Variants in PSMA4 observed in about 807,000 individuals in gnomAD.
The protein encoded by PSMA4 is proteasome 20S subunit alpha 4.
In PSMA4, 8 loss-of-function variants were observed where a neutral mutation model predicts 37.2. The observed-to-expected ratio is 0.22, with a 90% CI of 0.13 to 0.39. The LOEUF is 0.39. PSMA4 is among the 10% of genes least tolerant of loss of function. The pLI, the probability that PSMA4 is intolerant of heterozygous loss-of-function variation, is 1.00. For synonymous variants in PSMA4, 93 were observed against 98.8 expected, an observed-to-expected ratio of 0.94 and a Z score of 0.35; for missense variants, 169 against 305.1, an observed-to-expected ratio of 0.55 and a Z score of 3.32.
chr15:78,547,542 A>G (rs2052575142), intron 8 of PSMA4, among the ~76,000 whole-genome samples: 1 of 152,248 alleles, frequency 6.6e-6, no homozygotes, highest in Non-Finnish European at 1.5e-5. Flanking sequence ...TGACTATATA[A>G]AAGAATATTT....
In PSMA4 at chr15:78,550,536, T is replaced by TGACGGCA. The variant is rs1473965444; in HGVS notation, c.*1592_*1593insGACGGCA. 1.3e-5 allele frequency: 2 copies of TGACGGCA among 152,144 alleles called. No homozygotes were observed. The highest frequency in any genetic ancestry group is 2.9e-5 in the Non-Finnish European group (2 of 68,098). 9.4% of individuals were successfully genotyped at this position (152,144 alleles called of 1,614,324 possible). On this transcript the variant is annotated 3_prime_UTR_variant, in exon 9 of 9. Coordinates refer to ENST00000044462, the MANE Select transcript of PSMA4 (RefSeq NM_002789.6). Reference sequence around the variant, plus strand: ...GTGAGCAGGGAAGGTCTCACCATGTTTCCCATGCCGGTCTCAAGCTCCTGG... The same window carrying TGACGGCA: ...GTGAGCAGGGAAGGTCTCACCATGTTGACGGCATCCCATGCCGGTCTCAAGCTCCTGG...
At chr15:78,542,399 C>A in intron 3 of PSMA4, 84 bp from the exon 4 acceptor site, 1 of 1,499,384 alleles carries the variant, frequency 6.7e-7, no homozygotes, top group Non-Finnish European at 9.0e-7. Context: ...TTGTTTCTAG[C>A]TTGCTTCATT....
In PSMA4 at chr15:78,541,888, T is replaced by A. The variant is rs1335097303; in HGVS notation, c.-23-17T>A. 6.5e-7 allele frequency: 1 copy of A among 1,547,340 alleles called. No homozygotes were observed. Among genetic ancestry groups the A allele is most frequent in the African/African-American group, 1.4e-5 (1 of 73,160 alleles). On this transcript the variant is annotated splice_polypyrimidine_tract_variant and intron_variant, in intron 1 of 8. Coordinates refer to ENST00000044462, the MANE Select transcript of PSMA4 (RefSeq NM_002789.6). ...TGTGAATCTTATTTTAATGATGATC[T>A]GATTTTCTTTTTACAGGAACTATAT... is the stretch of plus-strand genomic sequence containing the variant.
intron 5 of PSMA4, 142 bp downstream of exon 5, chr15:78,544,409 G>A (rs191730608): frequency 0.011 from 5,865 of 556,338 alleles, 96 homozygotes; most frequent in East Asian, 0.05. Flanking sequence ...TCCGCCTCCC[G>A]GGTTCAAGCG....
rs1311195926 is a variant in PSMA4, at chr15:78,546,534, A to T, written c.508-41A>T. The T allele has an allele frequency of 9.1e-6, 14 of 1,535,114 alleles. No individual in the cohort carries two copies. In the East Asian group the frequency reaches 3.2e-4, roughly 35 times the overall value. On this transcript the variant is annotated intron_variant, in intron 7 of 8. Coordinates refer to ENST00000044462, the MANE Select transcript of PSMA4 (RefSeq NM_002789.6). ...CTAGACCAATTCATGTTTCTAAAAA[A>T]TGTAAAAACTTAAAATTCTATGTTG...
At chr15:78,543,473 C>T (rs1176209621) in intron 4 of PSMA4, among the ~76,000 whole-genome samples, 1 of 151,618 alleles carries the variant, frequency 6.6e-6, no homozygotes, top group Non-Finnish European at 1.5e-5. Context: ...CCTAAGCAGG[C>T]TTGTAAACCC....
chr15:78,548,920 A>C lies in PSMA4; in HGVS notation c.762A>C (p.Lys254Asn), dbSNP rs2052604857. Reference protein sequence around the residue: ...EAKAEREKKEKEQKEKDK With the variant: ...EAKAEREKKENEQKEKDK ...AAGCTGAGCGTGAGAAGAAAGAAAA[A>C]GAACAGAAAGAAAAGGATAAATAGA... The change falls in exon 9 of 9, where the codon AAA becomes AAC. Residue 254 changes from lysine to asparagine, a missense_variant. Coordinates refer to ENST00000044462, the MANE Select transcript of PSMA4 (RefSeq NM_002789.6). 6.2e-7 allele frequency: 1 copy of C among 1,608,662 alleles called. No homozygotes were observed. Among genetic ancestry groups the C allele is most frequent in the Admixed American group, 1.7e-5 (1 of 58,670 alleles).
In PSMA4 at chr15:78,542,239, A is replaced by C. The variant is rs780284043; in HGVS notation, c.46+20A>C. On this transcript the variant is annotated intron_variant, in intron 3 of 8. Transcript: ENST00000044462. ...CAGAAGGTAAAATAGAAATTGTTTAATCTGCCTCAAGTTTAAAAATAAATG... is the reference window on the plus strand; with the variant it reads ...CAGAAGGTAAAATAGAAATTGTTTACTCTGCCTCAAGTTTAAAAATAAATG... 5 of 1,580,984 alleles carry C rather than the reference A, an allele frequency of 3.2e-6. No individual in the cohort carries two copies. The African/African-American group carries it at 6.9e-5, about 22-fold the overall frequency.
rs17588 is a variant in PSMA4, at chr15:78,542,191, C to T, written c.18C>T (p.Asp6=). Residue 6 remains aspartate (D), a synonymous_variant, in exon 3 of 9, where the codon GAC becomes GAT. Coordinates refer to ENST00000044462, the MANE Select transcript of PSMA4 (RefSeq NM_002789.6). ...TTCCTTTGCAGTCTCGAAGATATGA[C>T]TCCAGGACCACTATATTTTCTCCAG... MSRRY[D]SRTTIFSPEG... 2.4e-3 allele frequency: 3,805 copies of T among 1,608,334 alleles called. 78 individuals carry two copies. In the African/African-American group the frequency reaches 0.039, roughly 16 times the overall value.
In PSMA4 at chr15:78,549,593, G is replaced by T. The variant is rs796079241; in HGVS notation, c.*649G>T. 9.8e-5 allele frequency: 15 copies of T among 152,420 alleles called. No individual in the cohort carries two copies. The highest frequency in any genetic ancestry group is 3.6e-4 in the African/African-American group (15 of 41,592). The allele number at this position is 152,420 out of a possible 1,614,324, so 9.4% of individuals were successfully genotyped here. On this transcript the variant is annotated 3_prime_UTR_variant, in exon 9 of 9. Transcript: ENST00000044462. ...CTATCTGTGGCTTCATGACAGAAGT[G>T]ATACAGGGCAGTGGTACTTAATGCG...
intron 7 of PSMA4, 85 bp from the exon 8 acceptor site, chr15:78,546,490 T>G: frequency 8.1e-7 from 1 of 1,231,914 alleles, no homozygotes; most frequent in African/African-American, 1.6e-5. Context: ...ATGCCAATAA[T>G]AATTCAGGCA....
chr15:78,546,032 C>G (rs549413540), intron 7 of PSMA4, among the ~76,000 whole-genome samples: 11 of 152,224 alleles, frequency 7.2e-5, no homozygotes, highest in African/African-American at 2.6e-4. Context: ...TACAGACCCC[C>G]TGTATTCTAT....
In PSMA4 at chr15:78,541,895, C is replaced by T; in HGVS notation, c.-23-10C>T. On this transcript the variant is annotated splice_polypyrimidine_tract_variant and intron_variant, in intron 1 of 8. Transcript: ENST00000044462. ...CTTATTTTAATGATGATCTGATTTT[C>T]TTTTTACAGGAACTATATAAAGTTC... 3.8e-6 allele frequency: 6 copies of T among 1,564,850 alleles called. No individual in the cohort carries two copies. The highest frequency in any genetic ancestry group is 5.3e-6 in the Non-Finnish European group (6 of 1,138,346).
chr15:78,543,433 C>T (rs545821893), intron 4 of PSMA4, among the ~76,000 whole-genome samples: 1 of 152,140 alleles, frequency 6.6e-6, no homozygotes, highest in South Asian at 2.1e-4. Flanking sequence ...AAATGAAATG[C>T]ACCTCTAGTA....
At chr15:78,544,704 T>C in intron 5 of PSMA4, 165 bp from the exon 6 acceptor site, 1 of 505,430 alleles carries the variant, frequency 2.0e-6, no homozygotes, top group Non-Finnish European at 3.5e-6. Flanking sequence ...TACAAAATAT[T>C]ATTTACTATG....
At chr15:78,548,185 T>G (rs1420200717) in intron 8 of PSMA4, among the ~76,000 whole-genome samples, 1 of 151,664 alleles carries the variant, frequency 6.6e-6, no homozygotes, top group East Asian at 1.9e-4. Context: ...GAGCCGAGTT[T>G]GCGCCATTGC....
chr15:78,549,122 T>A lies in PSMA4; in HGVS notation c.*178T>A. 1.0e-6 allele frequency: 1 copy of A among 971,566 alleles called. No homozygotes were observed. Among genetic ancestry groups the A allele is most frequent in the East Asian group, 3.3e-5 (1 of 30,002 alleles). The allele number at this position is 971,566 out of a possible 1,614,324, so 60.2% of individuals were successfully genotyped here. On this transcript the variant is annotated 3_prime_UTR_variant, in exon 9 of 9. Transcript: ENST00000044462. Reference sequence around the variant, plus strand: ...GAATACTTTATTGTAACGATGATGGTTACCCTTCATGGACGTCTTAATCTT... The same window carrying A: ...GAATACTTTATTGTAACGATGATGGATACCCTTCATGGACGTCTTAATCTT...
In PSMA4 at chr15:78,549,582, A is replaced by G. The variant is rs2052615117; in HGVS notation, c.*638A>G. The G allele has an allele frequency of 6.6e-6, 1 of 152,310 alleles. No individual in the cohort carries two copies. The allele number at this position is 152,310 out of a possible 1,614,324, so 9.4% of individuals were successfully genotyped here. ...AGTTCCCTTGGCTATCTGTGGCTTC[A>G]TGACAGAAGTGATACAGGGCAGTGG... On this transcript the variant is annotated 3_prime_UTR_variant, in exon 9 of 9. Coordinates refer to ENST00000044462, the MANE Select transcript of PSMA4 (RefSeq NM_002789.6).
chr15:78,545,018 CT>C (rs1463843252), intron 6 of PSMA4, 61 bp downstream of exon 6: 4 of 1,182,524 alleles, frequency 3.4e-6, no homozygotes, highest in South Asian at 1.5e-5. Context: ...AGTTATAACC[CT>C]TTTGAGGTAG....
Sources: allele counts gnomAD v4.1 joint callset (sites outside exome capture counted in the v4.1 genomes callset), GRCh38; gene constraint gnomAD v4.1.1; transcripts MANE v1.5; gene names NCBI Gene and HGNC (gene_info 2026-07-23, HGNC 2026-07-21).